Variants in ADNP observed in about 807,000 individuals in gnomAD.
The protein encoded by ADNP is activity-dependent neuroprotector homeobox protein.
In ADNP, 4 loss-of-function variants were observed where a neutral mutation model predicts 84.9. The ratio of observed to expected loss-of-function variants is 0.05; its 90% confidence interval spans 0.02 to 0.11. The LOEUF is 0.11. Ranked by LOEUF, ADNP falls within the 10% of genes least tolerant of loss-of-function variation. The pLI, the probability that ADNP is intolerant of heterozygous loss-of-function variation, is 1.00. For missense variants in ADNP, 1,132 were observed against 1,326.0 expected, an observed-to-expected ratio of 0.85 and a Z score of 2.27; for synonymous variants, 554 against 468.1, an observed-to-expected ratio of 1.18 and a Z score of -2.37.
In ADNP at chr20:50,907,865, T is replaced by C. The variant is rs541404821; in HGVS notation, c.-89-3016A>G. Among the ~76,000 whole-genome samples, 3 of 152,066 alleles carry C rather than the reference T, an allele frequency of 2.0e-5. No homozygotes were observed. In the South Asian group the frequency reaches 6.2e-4, roughly 32 times the overall value. Reference sequence around the variant, plus strand: ...TGCTGGCTTTGGCCTCCCAAAGTGCTGGGATTACAGGTGTGCACCACCATG... The same window carrying C: ...TGCTGGCTTTGGCCTCCCAAAGTGCCGGGATTACAGGTGTGCACCACCATG... On this transcript the variant is annotated intron_variant, in intron 2 of 5. Transcript: ENST00000621696.
At chr20:50,900,737 C>T (rs1031367824) in intron 5 of ADNP, among the ~76,000 whole-genome samples, 5 of 152,140 alleles carry the variant, frequency 3.3e-5, no homozygotes, top group Non-Finnish European at 5.9e-5. Flanking sequence ...TTATTCCTTT[C>T]CTCATTATGG....
intron 2 of ADNP, chr20:50,914,120 C>A (rs1257576732): frequency 5.2e-6 from 4 of 765,204 alleles, no homozygotes; most frequent in Non-Finnish European, 9.3e-6. Flanking sequence ...GGGGCTAATC[C>A]AGATGGTAAG....
At chr20:50,927,327 C>T (rs1017456089) in intron 2 of ADNP, among the ~76,000 whole-genome samples, 1 of 152,204 alleles carries the variant, frequency 6.6e-6, no homozygotes, top group African/African-American at 2.4e-5. Flanking sequence ...ATTTTCTATA[C>T]AGGAACTATA....
In ADNP at chr20:50,890,968, G is replaced by A. The variant is rs1193410827; in HGVS notation, c.*437C>T. On this transcript the variant is annotated 3_prime_UTR_variant, in exon 6 of 6. Transcript: ENST00000621696. ...TACAAATATACATTTCAACTATTCAGAATGAATACATGAAAAAAAATCGCT... is the reference window on the plus strand; with the variant it reads ...TACAAATATACATTTCAACTATTCAAAATGAATACATGAAAAAAAATCGCT... The A allele has an allele frequency of 1.0e-6, 1 of 991,974 alleles. No individual in the cohort carries two copies. The highest frequency in any genetic ancestry group is 1.1e-4 in the East Asian group (1 of 8,986). 61.4% of individuals were successfully genotyped at this position (991,974 alleles called of 1,614,324 possible).
chr20:50,918,951 A>T (rs1056963071), intron 2 of ADNP, among the ~76,000 whole-genome samples: 1 of 152,244 alleles, frequency 6.6e-6, no homozygotes, highest in African/African-American at 2.4e-5. Context: ...CCTACCAATT[A>T]TACAAAAATT....
intron 2 of ADNP, among the ~76,000 whole-genome samples, chr20:50,915,057 A>G (rs1417923130): frequency 6.6e-6 from 1 of 152,240 alleles, no homozygotes; most frequent in Admixed American, 6.5e-5. Context: ...ATATCGAGTC[A>G]GCTTACATTG....
rs904996285 is a variant in ADNP, at chr20:50,901,346, A to G, written c.201+671T>C. Among the ~76,000 whole-genome samples the G allele has an allele frequency of 3.4e-5, 5 of 147,320 alleles. No individual in the cohort carries two copies. The East Asian group carries it at 9.8e-4, about 29-fold the overall frequency. On this transcript the variant is annotated intron_variant, in intron 5 of 5. Transcript: ENST00000621696. Reference sequence around the variant, plus strand: ...TAAAAAAAAAAAAAAAAAAAAAAAAAAGTCAAATATCTGAGTACTAATTTC... The same window carrying G: ...TAAAAAAAAAAAAAAAAAAAAAAAAGAGTCAAATATCTGAGTACTAATTTC...
intron 2 of ADNP, among the ~76,000 whole-genome samples, chr20:50,907,700 A>G (rs557910999): frequency 6.6e-6 from 1 of 152,006 alleles, no homozygotes; most frequent in East Asian, 1.9e-4. Flanking sequence ...TTCCCACCTC[A>G]GCCCCACCAG....
Position 50,904,020 on chromosome 20 carries a change from T to C in ADNP, c.-5-19A>G. Reference sequence around the variant, plus strand: ...ATAGTTTCTATTGGAAAAAAAAATTTAAGTCAAAGTCAAAACACGTACAAC... The same window carrying C: ...ATAGTTTCTATTGGAAAAAAAAATTCAAGTCAAAGTCAAAACACGTACAAC... On this transcript the variant is annotated intron_variant, in intron 3 of 5. Transcript: ENST00000621696. 6.3e-7 allele frequency: 1 copy of C among 1,577,492 alleles called. No individual in the cohort carries two copies. The highest frequency in any genetic ancestry group is 8.7e-7 in the Non-Finnish European group (1 of 1,150,310).
intron 2 of ADNP, among the ~76,000 whole-genome samples, chr20:50,907,996 T>C (rs2122872720): frequency 6.6e-6 from 1 of 152,328 alleles, no homozygotes; most frequent in African/African-American, 2.4e-5. Context: ...CTAATAACCT[T>C]GGAAATTCCA....
chr20:50,907,041 C>T (rs907965501), intron 2 of ADNP, among the ~76,000 whole-genome samples: 20 of 145,310 alleles, frequency 1.4e-4, no homozygotes, highest in African/African-American at 5.1e-4. Flanking sequence ...GATCTTGGCT[C>T]ACTGCAAGCT....
At chr20:50,924,479 T>C (rs78242009) in intron 2 of ADNP, among the ~76,000 whole-genome samples, 2,243 of 152,270 alleles carry the variant, frequency 0.015, 56 homozygotes, top group African/African-American at 0.051. Flanking sequence ...AGGCCTGTGT[T>C]GCAAGCACAG....
At chr20:50,922,518 G>A (rs990040395) in intron 2 of ADNP, among the ~76,000 whole-genome samples, 3 of 151,656 alleles carry the variant, frequency 2.0e-5, no homozygotes, top group South Asian at 2.1e-4. Flanking sequence ...CCCTCTCTGG[G>A]GGCGCCACCC....
At chr20:50,928,218 G>T (rs1465093958) in intron 2 of ADNP, among the ~76,000 whole-genome samples, 1 of 152,078 alleles carries the variant, frequency 6.6e-6, no homozygotes, top group Non-Finnish European at 1.5e-5. Context: ...ACTTATCTTG[G>T]TGTATTTATG....
Position 50,891,433 on chromosome 20 carries a change from C to T in ADNP, c.3281G>A (p.Gly1094Glu). The change falls in exon 6 of 6, where the codon GGA becomes GAA. Residue 1094 changes from glycine (G) to glutamate (E), a missense_variant. This residue lies in a region of ADNP where 381 missense variants were observed against 319.9 expected (regional missense o/e 1.19). Coordinates refer to ENST00000621696, the MANE Select transcript of ADNP (RefSeq NM_001282531.3). ...GGCCTGTTGGCTGCTCAGTTTAACTCCGGCTAAGCTGCCATGCATGGGCTC... is the reference window on the plus strand; with the variant it reads ...GGCCTGTTGGCTGCTCAGTTTAACTTCGGCTAAGCTGCCATGCATGGGCTC... ...VAEPMHGSLA[G>E]VKLSSQQA 3 of 1,610,682 alleles carry T rather than the reference C, an allele frequency of 1.9e-6. No individual in the cohort carries two copies. Among genetic ancestry groups the T allele is most frequent in the Non-Finnish European group, 2.5e-6 (3 of 1,179,014 alleles).
chr20:50,899,140 T>C (rs1007198278), intron 5 of ADNP, among the ~76,000 whole-genome samples: 1 of 151,984 alleles, frequency 6.6e-6, no homozygotes, highest in African/African-American at 2.4e-5. Flanking sequence ...TTTTGGTATA[T>C]GCAGGTTCTC....
At position 50,905,404 on chromosome 20, in the gene ADNP, A is replaced by AG. The variant is rs1982372682; in HGVS notation, c.-89-556_-89-555insC. On this transcript the variant is annotated intron_variant, in intron 2 of 5. Transcript: ENST00000621696. Reference sequence around the variant, plus strand: ...TAATTAACAAAGGCTGTTACTCTGTAATACCAATATCATCTGTAAATGGCA... The same window carrying AG: ...TAATTAACAAAGGCTGTTACTCTGTAGATACCAATATCATCTGTAAATGGCA... 1.3e-5 allele frequency: 2 copies of AG among 152,180 alleles called. 1 individual carries two copies. The highest frequency in any genetic ancestry group is 4.1e-4 in the South Asian group (2 of 4,824). 9.4% of individuals were successfully genotyped at this position (152,180 alleles called of 1,614,324 possible).
At chr20:50,926,811 C>CT (rs931544804) in intron 2 of ADNP, among the ~76,000 whole-genome samples, 3 of 152,044 alleles carry the variant, frequency 2.0e-5, no homozygotes, top group African/African-American at 7.2e-5. Context: ...TGAAGTTTTT[C>CT]TTTTTTTTAC....
intron 5 of ADNP, among the ~76,000 whole-genome samples, chr20:50,901,321 TAA>T (rs11470054): frequency 0.014 from 1,288 of 92,738 alleles, 13 homozygotes; most frequent in East Asian, 0.029. Context: ...CTGGGGTATT[TAA>T]AAAAAAAAAA....
Sources: gnomAD v4.1 joint callset for allele counts (sites outside exome capture counted in the v4.1 genomes callset) on GRCh38, gnomAD v4.1.1 for gene constraint, gnomAD v4.1.1 regional missense constraint, MANE v1.5 for transcripts, NCBI Gene and HGNC (gene_info 2026-07-23, HGNC 2026-07-21) for gene names.